SLC26A2: variants seen among roughly 807,000 people sequenced by gnomAD.
SLC26A2 encodes the protein sulfate transporter.
A neutral mutation model predicts 41.1 loss-of-function variants in SLC26A2; 36 were observed. That is an observed-to-expected ratio of 0.88 (90% CI 0.67 to 1.16). SLC26A2 has a LOEUF of 1.16. Among genes scored for constraint, SLC26A2 ranks in the 50% most tolerant of loss-of-function variants. SLC26A2 has a pLI of 0.00. For missense variants in SLC26A2, 796 were observed against 869.6 expected (o/e 0.92, Z 1.07); for synonymous variants, 291 against 311.6 (o/e 0.93, Z 0.70).
intron 1 of SLC26A2, among the ~76,000 whole-genome samples, chr5:149,971,574 A>G (rs1253968520): frequency 1.3e-5 from 2 of 151,556 alleles, no homozygotes; most frequent in African/African-American, 4.9e-5. Flanking sequence ...TGACTTTTCT[A>G]TTTTTAGTAG....
In SLC26A2 at chr5:149,980,594, C is replaced by T; in HGVS notation, c.1001C>T (p.Pro334Leu). 1.2e-6 allele frequency: 2 copies of T among 1,614,120 alleles called. No homozygotes were observed. Among genetic ancestry groups the T allele is most frequent in the Non-Finnish European group, 1.7e-6 (2 of 1,180,012 alleles). Residue 334 changes from proline to leucine, a missense_variant, in exon 3 of 3, where the codon CCT becomes CTT. Pro to Leu is a moderately conservative substitution (Grantham distance 98). Coordinates refer to ENST00000286298, the MANE Select transcript of SLC26A2 (RefSeq NM_000112.4). ...HFKSKLKAPI[P>L]IELVVVVAAT... ...AAATCCAAGCTTAAGGCACCGATTC[C>T]TATTGAACTTGTTGTTGTTGTAGCA...
intron 1 of SLC26A2, among the ~76,000 whole-genome samples, chr5:149,972,341 T>C (rs1754918574): frequency 6.6e-6 from 1 of 152,162 alleles, no homozygotes; most frequent in African/African-American, 2.4e-5. Context: ...AGTGAATACA[T>C]AAGTTTCTAA....
rs368864462 is a variant in SLC26A2, at chr5:149,981,338, G to A, written c.1745G>A (p.Arg582His). ...LQIKPGIKIF[R>H]FVAPLYYINK... ...ATTAAGCCAGGCATCAAGATTTTCCGCTTTGTAGCCCCTCTCTACTACATA... is the reference window on the plus strand; with the variant it reads ...ATTAAGCCAGGCATCAAGATTTTCCACTTTGTAGCCCCTCTCTACTACATA... Residue 582 changes from arginine (R) to histidine (H), a missense_variant, in exon 3 of 3, where the codon CGC becomes CAC. Arg to His is a conservative substitution (Grantham distance 29). Coordinates refer to ENST00000286298, the MANE Select transcript of SLC26A2 (RefSeq NM_000112.4). The A allele has an allele frequency of 2.7e-5, 43 of 1,613,944 alleles. No homozygotes were observed. Among genetic ancestry groups the A allele is most frequent in the Non-Finnish European group, 3.3e-5 (39 of 1,179,996 alleles).
Position 149,981,253 on chromosome 5 carries a change from C to T in SLC26A2, c.1660C>T (p.Leu554Phe). Residue 554 changes from leucine to phenylalanine, a missense_variant, in exon 3 of 3, where the codon CTT (leucine) becomes TTT (phenylalanine). By Grantham distance (22) the Leu-to-Phe change is conservative. Transcript: ENST00000286298. ...LRTQKPKSSL[L>F]GLVEESEVFE... Reference sequence around the variant, plus strand: ...CACTCAGAAGCCAAAGAGTTCACTGCTTGGCTTGGTGGAAGAGTCTGAGGT... The same window carrying T: ...CACTCAGAAGCCAAAGAGTTCACTGTTTGGCTTGGTGGAAGAGTCTGAGGT... 3 of 1,614,130 alleles carry T rather than the reference C, an allele frequency of 1.9e-6. No individual in the cohort carries two copies. The highest frequency in any genetic ancestry group is 1.7e-4 in the Middle Eastern group (1 of 6,060).
At chr5:149,966,483 A>G (rs540081328) in intron 1 of SLC26A2, among the ~76,000 whole-genome samples, 1 of 152,354 alleles carries the variant, frequency 6.6e-6, no homozygotes, top group South Asian at 2.1e-4. Flanking sequence ...ATATCACACC[A>G]TATTTACAAC....
At position 149,981,301 on chromosome 5, in the gene SLC26A2, A is replaced by G. The variant is rs1276329470; in HGVS notation, c.1708A>G (p.Lys570Glu). ...SEVFESVSAY[K>E]NLQIKPGIKI... ...GGTCTTTGAATCTGTGTCTGCTTAC[A>G]AGAACCTTCAGATTAAGCCAGGCAT... Residue 570 changes from lysine to glutamate, a missense_variant, in exon 3 of 3, where the codon AAG becomes GAG. Physicochemically the swap from Lys to Glu is moderately conservative, Grantham distance 56. Coordinates refer to ENST00000286298, the MANE Select transcript of SLC26A2 (RefSeq NM_000112.4). 4 of 1,614,164 alleles carry G rather than the reference A, an allele frequency of 2.5e-6. No individual in the cohort carries two copies. Among genetic ancestry groups the G allele is most frequent in the Non-Finnish European group, 3.4e-6 (4 of 1,180,012 alleles).
intron 1 of SLC26A2, among the ~76,000 whole-genome samples, chr5:149,965,966 G>A (rs915850092): frequency 2.0e-5 from 3 of 152,046 alleles, no homozygotes; most frequent in Non-Finnish European, 2.9e-5. Context: ...GTGCAGTGGC[G>A]CAATCTCAAC....
intron 1 of SLC26A2, among the ~76,000 whole-genome samples, chr5:149,976,115 A>G (rs1276926648): frequency 6.7e-6 from 1 of 150,324 alleles, no homozygotes; most frequent in East Asian, 2.0e-4. Flanking sequence ...CTGAGATTGC[A>G]CCACTGCACT....
chr5:149,973,505 C>T (rs904332474), intron 1 of SLC26A2, among the ~76,000 whole-genome samples: 1 of 151,998 alleles, frequency 6.6e-6, no homozygotes, highest in Non-Finnish European at 1.5e-5. Flanking sequence ...TCTTCTCCTT[C>T]CCACTCCCTC....
At chr5:149,979,313 C>T (rs1461602607) in intron 2 of SLC26A2, among the ~76,000 whole-genome samples, 1 of 152,072 alleles carries the variant, frequency 6.6e-6, no homozygotes, top group Non-Finnish European at 1.5e-5. Flanking sequence ...AAGAGTAGCT[C>T]ACTTTAGTTG....
chr5:149,975,397 A>G (rs1003873005), intron 1 of SLC26A2, among the ~76,000 whole-genome samples: 1 of 152,226 alleles, frequency 6.6e-6, no homozygotes, highest in African/African-American at 2.4e-5. Flanking sequence ...TAGCAGCCAT[A>G]CTGGGCAAGA....
chr5:149,982,884 G>A lies in SLC26A2; in HGVS notation c.*1071G>A, dbSNP rs1297589956. On this transcript the variant is annotated 3_prime_UTR_variant, in exon 3 of 3. Coordinates refer to ENST00000286298, the MANE Select transcript of SLC26A2 (RefSeq NM_000112.4). ...ATAGCTGGCCCACAGGTCATGAATT[G>A]AGGAGGAATTTGCTTTCAAAAAGCA... 2 of 152,178 alleles carry A rather than the reference G, an allele frequency of 1.3e-5. No homozygotes were observed. Among genetic ancestry groups the A allele is most frequent in the East Asian group, 3.8e-4 (2 of 5,202 alleles). The allele number at this position is 152,178 out of a possible 1,614,324, so 9.4% of individuals were successfully genotyped here.
chr5:149,980,006 T>G (rs182124535), intron 2 of SLC26A2, among the ~76,000 whole-genome samples: 1 of 151,172 alleles, frequency 6.6e-6, no homozygotes. Context: ...AAAAAAGAGG[T>G]ATGAACCTTA....
At chr5:149,962,492 C>T (rs1754729715) in intron 1 of SLC26A2, among the ~76,000 whole-genome samples, 1 of 152,036 alleles carries the variant, frequency 6.6e-6, no homozygotes, top group African/African-American at 2.4e-5. Flanking sequence ...GTGCACGCTG[C>T]CATACCTGGC....
intron 1 of SLC26A2, among the ~76,000 whole-genome samples, chr5:149,964,958 C>T (rs1190984102): frequency 6.6e-6 from 1 of 152,050 alleles, no homozygotes; most frequent in African/African-American, 2.4e-5. Context: ...CTGCAACTTT[C>T]AAATAGTTGA....
chr5:149,975,604 A>G (rs191122690), intron 1 of SLC26A2, among the ~76,000 whole-genome samples: 22 of 152,246 alleles, frequency 1.4e-4, no homozygotes, highest in Admixed American at 1.2e-3. Flanking sequence ...GTATCCATCA[A>G]CCTGATTGAT....
In SLC26A2 at chr5:149,980,543, C is replaced by T. The variant is rs1301908588; in HGVS notation, c.950C>T (p.Pro317Leu). Residue 317 changes from proline to leucine, a missense_variant, in exon 3 of 3, where the codon CCA (proline) becomes CTA (leucine). Coordinates refer to ENST00000286298, the MANE Select transcript of SLC26A2 (RefSeq NM_000112.4). ...TSLLCLLVLL[P>L]TKELNEHFKS... ...CTTTTGTGCCTTTTGGTTCTTTTGC[C>T]AACCAAAGAACTCAATGAACACTTC... 6.2e-7 allele frequency: 1 copy of T among 1,614,102 alleles called. No homozygotes were observed. The highest frequency in any genetic ancestry group is 8.5e-7 in the Non-Finnish European group (1 of 1,179,994).
Position 149,962,473 on chromosome 5 carries a change from G to A in SLC26A2, c.-26+1494G>A, listed in dbSNP as rs1374509780. ...TCCACCTCAGCTTCCTGAGTAGCTG[G>A]AACCACAGGTGCACGCTGCCATACC... is the stretch of plus-strand genomic sequence containing the variant. On this transcript the variant is annotated intron_variant, in intron 1 of 2. Coordinates refer to ENST00000286298, the MANE Select transcript of SLC26A2 (RefSeq NM_000112.4). Among the ~76,000 whole-genome samples the A allele has an allele frequency of 4.6e-5, 7 of 152,068 alleles. No homozygotes were observed. The East Asian group carries it at 9.7e-4, about 21-fold the overall frequency.
chr5:149,963,671 C>T (rs1961337), intron 1 of SLC26A2, among the ~76,000 whole-genome samples: 15,542 of 151,332 alleles, frequency 0.1, 2,650 homozygotes, highest in African/African-American at 0.35. Context: ...TGCCTTGGCC[C>T]CCCAAAGTGC....
Sources: gnomAD v4.1 joint callset for allele counts (sites outside exome capture counted in the v4.1 genomes callset) on GRCh38, gnomAD v4.1.1 for gene constraint, MANE v1.5 for transcripts, NCBI Gene and HGNC (gene_info 2026-07-23, HGNC 2026-07-21) for gene names.